The following OPCML variants were observed in gnomAD, a reference collection of about 807,000 sequenced individuals.
OPCML encodes opioid-binding protein/cell adhesion molecule.
In OPCML, 13 loss-of-function variants were observed where a neutral mutation model predicts 37.8. The observed-to-expected ratio is 0.34, with a 90% CI of 0.22 to 0.55. The LOEUF (loss-of-function observed/expected upper bound fraction) is 0.55, where lower values mean the gene tolerates loss of function less well. Among genes scored for constraint, OPCML ranks in the 20% least tolerant of loss-of-function variants. OPCML has a pLI of 0.91. For missense variants in OPCML, 341 were observed against 435.6 expected, an observed-to-expected ratio of 0.78 and a Z score of 1.93; for synonymous variants, 176 against 168.8, an observed-to-expected ratio of 1.04 and a Z score of -0.33.
chr11:132,432,681 T>G (rs1374474502), intron 7 of OPCML, among the ~76,000 whole-genome samples: 2 of 152,202 alleles, frequency 1.3e-5, no homozygotes, highest in Admixed American at 6.5e-5. Context: ...TGTGAGCTAC[T>G]GTGTGTAGAA....
rs185493017 is a variant in OPCML at position 133,253,666 on chromosome 11, C to T, written c.61+278598G>A. ...AAACCTTATAAGCAGCCTTCCACAG[C>T]CAGTTTAAAAGTGCTATTATATCAC... On this transcript the variant is annotated intron_variant, in intron 1 of 7. Coordinates refer to ENST00000524381, the MANE Select transcript of OPCML (RefSeq NM_001012393.5). Among the ~76,000 whole-genome samples, 5 of 152,184 alleles carry T rather than the reference C, an allele frequency of 3.3e-5. No individual in the cohort carries two copies. In the East Asian group the frequency reaches 9.7e-4, roughly 29 times the overall value.
In OPCML at chr11:133,211,680, G is replaced by A. The variant is rs1003024416; in HGVS notation, c.62-268670C>T. On this transcript the variant is annotated intron_variant, in intron 1 of 7. Coordinates refer to ENST00000524381, the MANE Select transcript of OPCML (RefSeq NM_001012393.5). The surrounding 1 kb of genome is among the most constrained non-coding windows in gnomAD (Gnocchi z 4.1). Reference sequence around the variant, plus strand: ...TGTACCATGAGGCATCTGGGGCCAGGGAGTCATCTGGCTTTGTGGCAACAC... The same window carrying A: ...TGTACCATGAGGCATCTGGGGCCAGAGAGTCATCTGGCTTTGTGGCAACAC... 6.6e-6 allele frequency among the ~76,000 whole-genome samples: 1 copy of A among 152,180 alleles called. No homozygotes were observed. The highest frequency in any genetic ancestry group is 1.5e-5 in the Non-Finnish European group (1 of 68,040).
intron 2 of OPCML, among the ~76,000 whole-genome samples, chr11:132,905,225 CTTTTTTT>C (rs373679886): frequency 5.7e-5 from 5 of 88,394 alleles, no homozygotes; most frequent in African/African-American, 1.4e-4. Context: ...GAAAGCAGTT[CTTTTTTT>C]TTTTTTTTTT....
In OPCML at chr11:133,206,733, T is replaced by A. The variant is rs2136330690; in HGVS notation, c.62-263723A>T. ...TGCTTGTTTACCAGCTGTGACCCAC[T>A]GGTCTAAAATGGAAACAAGAAATGC... is the stretch of plus-strand genomic sequence containing the variant. On this transcript the variant is annotated intron_variant, in intron 1 of 7. Transcript: ENST00000524381. The surrounding 1 kb of genome is among the most constrained non-coding windows in gnomAD (Gnocchi z 4.7). 6.6e-6 allele frequency among the ~76,000 whole-genome samples: 1 copy of A among 152,296 alleles called. No individual in the cohort carries two copies. Among genetic ancestry groups the A allele is most frequent in the East Asian group, 1.9e-4 (1 of 5,178 alleles).
chr11:132,798,078 G>C (rs1938434976), intron 2 of OPCML, among the ~76,000 whole-genome samples: 1 of 151,838 alleles, frequency 6.6e-6, no homozygotes, highest in South Asian at 2.1e-4. Flanking sequence ...TTTTATTTTT[G>C]TTTTATTTAT....
chr11:133,174,335 C>G lies in OPCML; in HGVS notation c.62-231325G>C, dbSNP rs1950335153. The stretch of plus-strand genomic sequence containing the variant: ...CCTCGCATGAACCTAGGTTCCAGGT[C>G]AGATGAAATGGCCATTTCTAGTTTC... On this transcript the variant is annotated intron_variant, in intron 1 of 7. Transcript: ENST00000524381. The surrounding 1 kb of genome is among the most constrained non-coding windows in gnomAD (Gnocchi z 4.6). Among the ~76,000 whole-genome samples, 1 of 152,212 alleles carries G rather than the reference C, an allele frequency of 6.6e-6. No individual in the cohort carries two copies. Among genetic ancestry groups the G allele is most frequent in the South Asian group, 2.1e-4 (1 of 4,816 alleles).
chr11:133,318,194 C>T (rs1001471474), intron 1 of OPCML, among the ~76,000 whole-genome samples: 10 of 152,194 alleles, frequency 6.6e-5, no homozygotes, highest in Non-Finnish European at 1.0e-4. Flanking sequence ...AACATACACA[C>T]GTCTGGGTTA....
At chr11:132,821,477 G>A (rs1227461044) in intron 2 of OPCML, among the ~76,000 whole-genome samples, 1 of 152,182 alleles carries the variant, frequency 6.6e-6, no homozygotes, top group Non-Finnish European at 1.5e-5. Flanking sequence ...GCAGCTACAG[G>A]GAAGAGAAAC....
At chr11:132,524,931 C>A (rs2096304126) in intron 4 of OPCML, among the ~76,000 whole-genome samples, 1 of 152,120 alleles carries the variant, frequency 6.6e-6, no homozygotes, top group Admixed American at 6.5e-5. Context: ...AAGGGGTTCC[C>A]CAGAAACATC....
At position 132,768,231 on chromosome 11, in the gene OPCML, C is replaced by T. The variant is rs1304881833; in HGVS notation, c.147-110912G>A. 1.6e-4 allele frequency among the ~76,000 whole-genome samples: 24 copies of T among 152,146 alleles called. 1 individual carries two copies. On this transcript the variant is annotated intron_variant, in intron 2 of 7. Transcript: ENST00000524381. ...TCATTGTTCTGATTTTAGACTATTCCCAGTTCCCTACAGCTCCACCCTGCC... is the reference window on the plus strand; with the variant it reads ...TCATTGTTCTGATTTTAGACTATTCTCAGTTCCCTACAGCTCCACCCTGCC...
At chr11:132,709,735 G>C (rs1332350501) in intron 2 of OPCML, among the ~76,000 whole-genome samples, 1 of 152,168 alleles carries the variant, frequency 6.6e-6, no homozygotes, top group African/African-American at 2.4e-5. Context: ...CGCACTCAAA[G>C]GGAGGGAGAT....
chr11:133,240,263 G>A (rs897628195), intron 1 of OPCML, among the ~76,000 whole-genome samples: 10 of 147,096 alleles, frequency 6.8e-5, no homozygotes, highest in Non-Finnish European at 1.3e-4. Context: ...AGACTTCCCT[G>A]CCATCTGTCT....
intron 2 of OPCML, among the ~76,000 whole-genome samples, chr11:132,814,609 C>T (rs1204013178): frequency 2.6e-5 from 4 of 152,128 alleles, no homozygotes; most frequent in African/African-American, 4.8e-5. Flanking sequence ...TTAATGAGTC[C>T]GCAGTCCACC....
At chr11:132,748,730 C>T (rs1945731098) in intron 2 of OPCML, among the ~76,000 whole-genome samples, 1 of 152,104 alleles carries the variant, frequency 6.6e-6, no homozygotes, top group African/African-American at 2.4e-5. Context: ...AGAAGAAACA[C>T]AAGCTGCCCT....
chr11:133,454,600 A>G (rs938810374), intron 1 of OPCML, among the ~76,000 whole-genome samples: 1 of 152,224 alleles, frequency 6.6e-6, no homozygotes, highest in African/African-American at 2.4e-5. Flanking sequence ...TTTGTCTTAA[A>G]TAAGATGCTG....
At chr11:132,608,973 C>A (rs1409599093) in intron 3 of OPCML, among the ~76,000 whole-genome samples, 3 of 152,188 alleles carry the variant, frequency 2.0e-5, no homozygotes, top group East Asian at 3.9e-4. Context: ...GCCCTTAGTT[C>A]CTTTCTGGAA....
intron 1 of OPCML, among the ~76,000 whole-genome samples, chr11:133,477,515 T>G (rs1947270027): frequency 6.6e-6 from 1 of 152,196 alleles, no homozygotes; most frequent in South Asian, 2.1e-4. Flanking sequence ...TCCCATTCAT[T>G]TTCAAAATTT....
chr11:132,933,884 A>C (rs775768372), intron 2 of OPCML, among the ~76,000 whole-genome samples: 10 of 152,112 alleles, frequency 6.6e-5, no homozygotes, highest in Non-Finnish European at 1.5e-4. Context: ...TACAGACAAT[A>C]TCTCAGTGTA....
chr11:132,893,204 G>A (rs1364327427), intron 2 of OPCML, among the ~76,000 whole-genome samples: 4 of 152,164 alleles, frequency 2.6e-5, no homozygotes, highest in African/African-American at 9.7e-5. Context: ...TATGGTTGCA[G>A]TGAGCCAAGA....
Sources: allele counts gnomAD v4.1 joint callset (sites outside exome capture counted in the v4.1 genomes callset), GRCh38; gene constraint gnomAD v4.1.1; non-coding constraint Gnocchi (gnomAD v3.1); transcripts MANE v1.5; gene names NCBI Gene and HGNC (gene_info 2026-07-23, HGNC 2026-07-21).